SAR1B: variants seen among roughly 807,000 people sequenced by gnomAD.
SAR1B encodes the protein secretion associated Ras related GTPase 1B.
SAR1B carries 23 observed loss-of-function variants against 26.8 expected under a neutral mutation model. The observed-to-expected ratio is 0.86, with a 90% CI of 0.62 to 1.22. SAR1B has a LOEUF of 1.22. Among genes scored for constraint, SAR1B ranks in the 50% most tolerant of loss-of-function variants. The probability of loss-of-function intolerance (pLI) is 0.00; values close to 1 mark genes in which losing one functional copy is unlikely to be tolerated. For missense variants in SAR1B, 196 were observed against 232.8 expected (o/e 0.84, Z 1.03); for synonymous variants, 65 against 80.8 (o/e 0.80, Z 1.05).
chr5:134,609,452 T>A (rs1297117886), intron 5 of SAR1B, 119 bp downstream of exon 5: 1 of 783,042 alleles, frequency 1.3e-6, no homozygotes, highest in Non-Finnish European at 2.2e-6. Context: ...CTCAACAAAT[T>A]GCCAAGAGTT....
chr5:134,623,140 A>G (rs1765440958), intron 2 of SAR1B, among the ~76,000 whole-genome samples: 2 of 149,554 alleles, frequency 1.3e-5, no homozygotes, highest in African/African-American at 4.9e-5. Context: ...AAAAAAAGAA[A>G]AAGAAAAAAC....
In SAR1B at chr5:134,606,019, A is replaced by G. The variant is rs1305883124; in HGVS notation, c.*931T>C. ...CTGTCATTGCTTTTGGGGAAGAGGCACAGATTACCCCATTGGGCACCAATA... is the reference window on the plus strand; with the variant it reads ...CTGTCATTGCTTTTGGGGAAGAGGCGCAGATTACCCCATTGGGCACCAATA... On this transcript the variant is annotated 3_prime_UTR_variant, in exon 7 of 7. Coordinates refer to ENST00000402673, the MANE Select transcript of SAR1B (RefSeq NM_016103.4). 1.3e-5 allele frequency: 2 copies of G among 152,234 alleles called. No homozygotes were observed. The highest frequency in any genetic ancestry group is 6.5e-5 in the Admixed American group (1 of 15,280). 9.4% of individuals were successfully genotyped at this position (152,234 alleles called of 1,614,324 possible).
At chr5:134,617,842 C>T (rs574290298) in intron 3 of SAR1B, among the ~76,000 whole-genome samples, 4 of 152,160 alleles carry the variant, frequency 2.6e-5, no homozygotes, top group South Asian at 4.1e-4. Flanking sequence ...CCACCGTGTC[C>T]GGCTAATTTT....
At position 134,608,369 on chromosome 5, in the gene SAR1B, T is replaced by A. The variant is rs528214833; in HGVS notation, c.480+3A>T. The A allele has an allele frequency of 2.6e-6, 4 of 1,546,032 alleles. No homozygotes were observed. Among genetic ancestry groups the A allele is most frequent in the East Asian group, 2.4e-5 (1 of 41,812 alleles). ...CCCATCATAATTTTTTTTTTTTTTT[T>A]ACCTTTCCTGTTGTCTGACCATATA... is the stretch of plus-strand genomic sequence containing the variant. On this transcript the variant is annotated splice_donor_region_variant and intron_variant, in intron 6 of 6. Transcript: ENST00000402673.
At chr5:134,625,356 C>A (rs1033525955) in intron 1 of SAR1B, among the ~76,000 whole-genome samples, 2 of 152,074 alleles carry the variant, frequency 1.3e-5, no homozygotes, top group African/African-American at 4.8e-5. Flanking sequence ...AGATTAGGAA[C>A]ATCCAGAATA....
At position 134,605,746 on chromosome 5, in the gene SAR1B, A is replaced by G. The variant is rs902736214; in HGVS notation, c.*1204T>C. ...TACCTGAGAGCAAATAAGAAAAAAG[A>G]AAATTGGAAACAAGCACTTGTTTTC... On this transcript the variant is annotated 3_prime_UTR_variant, in exon 7 of 7. Coordinates refer to ENST00000402673, the MANE Select transcript of SAR1B (RefSeq NM_016103.4). The G allele has an allele frequency of 2.0e-5, 3 of 152,178 alleles. No individual in the cohort carries two copies. In the South Asian group the frequency reaches 6.2e-4, roughly 32 times the overall value. The allele number at this position is 152,178 out of a possible 1,614,324, so 9.4% of individuals were successfully genotyped here. A position where few individuals can be genotyped will look rare whatever the true frequency, so the allele number is the denominator to read the frequency against.
At chr5:134,627,806 AAATAAAT>A (rs1765521735) in intron 1 of SAR1B, among the ~76,000 whole-genome samples, 1 of 24,256 alleles carries the variant, frequency 4.1e-5, no homozygotes, top group Admixed American at 4.7e-4. Flanking sequence ...CCCAAAAAAT[AAATAAAT>A]AAATAAATAA....
intron 1 of SAR1B, among the ~76,000 whole-genome samples, chr5:134,627,555 T>C (rs2150056474): frequency 6.7e-6 from 1 of 150,116 alleles, no homozygotes; most frequent in East Asian, 2.1e-4. Flanking sequence ...TCCCAGCACT[T>C]TGGGAGGCCG....
At chr5:134,611,237 G>A (rs1312086299) in intron 4 of SAR1B, among the ~76,000 whole-genome samples, 3 of 152,064 alleles carry the variant, frequency 2.0e-5, no homozygotes, top group Non-Finnish European at 4.4e-5. Flanking sequence ...TCTAATCATC[G>A]TATTCCAGAA....
chr5:134,608,985 T>C, intron 5 of SAR1B: 1 of 418,758 alleles, frequency 2.4e-6, no homozygotes, highest in Non-Finnish European at 4.7e-6. Context: ...CCTGGACTTT[T>C]CCACACGTAC....
chr5:134,626,328 A>G (rs1765493480), intron 1 of SAR1B, among the ~76,000 whole-genome samples: 1 of 149,760 alleles, frequency 6.7e-6, no homozygotes, highest in Admixed American at 6.7e-5. Flanking sequence ...AAAAAAAAAA[A>G]AATGTGGTTT....
At chr5:134,632,430 G>C (rs1765624192) in intron 1 of SAR1B, among the ~76,000 whole-genome samples, 1 of 152,112 alleles carries the variant, frequency 6.6e-6, no homozygotes, top group Non-Finnish European at 1.5e-5. Flanking sequence ...TACCAGGTAA[G>C]GAAACTGAGG....
intron 5 of SAR1B, 112 bp from the exon 6 acceptor site, chr5:134,608,615 C>A: frequency 2.5e-6 from 3 of 1,190,912 alleles, no homozygotes; most frequent in East Asian, 2.5e-5. Flanking sequence ...CATGTCATAC[C>A]AACGTTCTTT....
At position 134,601,232 on chromosome 5, in the gene SAR1B, AAACT is replaced by A. The variant is rs1765028280; in HGVS notation, c.*5714_*5717del. 1 of 152,220 alleles carries A rather than the reference AAACT, an allele frequency of 6.6e-6. No homozygotes were observed. The highest frequency in any genetic ancestry group is 1.5e-5 in the Non-Finnish European group (1 of 68,028). The allele number at this position is 152,220 out of a possible 1,614,324, so 9.4% of individuals were successfully genotyped here. A position where few individuals can be genotyped will look rare whatever the true frequency, so the allele number is the denominator to read the frequency against. ...GGTGAAAAGATAATAGAACATAATC[AAACT>A]AACATATAAACACAATTCAAAAACG... On this transcript the variant is annotated 3_prime_UTR_variant, in exon 7 of 7. Coordinates refer to ENST00000402673, the MANE Select transcript of SAR1B (RefSeq NM_016103.4).
At chr5:134,620,872 T>C (rs548479793) in intron 3 of SAR1B, 61 bp downstream of exon 3, 1 of 1,589,952 alleles carries the variant, frequency 6.3e-7, no homozygotes, top group African/African-American at 1.3e-5. Context: ...CACTTTTGGT[T>C]AGTGCATATG....
At chr5:134,612,626 C>T in intron 4 of SAR1B, 65 bp downstream of exon 4, 1 of 1,244,022 alleles carries the variant, frequency 8.0e-7, no homozygotes, top group Non-Finnish European at 1.0e-6. Flanking sequence ...GCCTGGGAGA[C>T]AGAGTGAGCC....
intron 4 of SAR1B, among the ~76,000 whole-genome samples, chr5:134,610,041 A>G (rs1561784219): frequency 6.6e-6 from 1 of 151,920 alleles, no homozygotes; most frequent in South Asian, 2.1e-4. Context: ...TTATATATAC[A>G]TAAAATGTGT....
At chr5:134,624,100 T>C in intron 1 of SAR1B, 63 bp from the exon 2 acceptor site, 1 of 915,368 alleles carries the variant, frequency 1.1e-6, no homozygotes, top group Admixed American at 1.7e-5. Flanking sequence ...TAAACTCCAA[T>C]ACTGTTAAAC....
chr5:134,623,224 C>T (rs770461100), intron 2 of SAR1B, among the ~76,000 whole-genome samples: 1 of 151,708 alleles, frequency 6.6e-6, no homozygotes, highest in Non-Finnish European at 1.5e-5. Flanking sequence ...GCAGATCACT[C>T]GAGCTCAGGA....
Sources: gnomAD v4.1 joint callset for allele counts (sites outside exome capture counted in the v4.1 genomes callset) on GRCh38, gnomAD v4.1.1 for gene constraint, MANE v1.5 for transcripts, NCBI Gene and HGNC (gene_info 2026-07-23, HGNC 2026-07-21) for gene names.